Variants in WDPCP observed in about 807,000 individuals in gnomAD.
WDPCP encodes WD repeat-containing and planar cell polarity effector protein fritz homolog.
Under a neutral mutation model 93.1 loss-of-function variants are expected in WDPCP, and 71 were observed. That is an observed-to-expected ratio of 0.76 (90% CI 0.63 to 0.93). The LOEUF (loss-of-function observed/expected upper bound fraction) is 0.93, where lower values mean the gene tolerates loss of function less well. Among genes scored for constraint, WDPCP ranks in the 40% least tolerant of loss-of-function variants. WDPCP has a pLI of 0.00. For synonymous variants in WDPCP, 315 were observed against 315.0 expected, an observed-to-expected ratio of 1.00 and a Z score of 0.00; for missense variants, 844 against 887.4, an observed-to-expected ratio of 0.95 and a Z score of 0.62.
intron 12 of WDPCP, 170 bp downstream of exon 12, chr2:63,378,216 A>G (rs904628850): frequency 3.6e-5 from 33 of 909,244 alleles, no homozygotes; most frequent in Non-Finnish European, 4.9e-5. Flanking sequence ...ATATTTCCTT[A>G]AAATGAAAAC....
At chr2:63,816,057 C>T (rs1273782503) in intron 1 of WDPCP, among the ~76,000 whole-genome samples, 1 of 151,962 alleles carries the variant, frequency 6.6e-6, no homozygotes, top group Non-Finnish European at 1.5e-5. Context: ...TTCAGTTGTA[C>T]AAAATATCTA....
chr2:63,297,802 A>G lies in WDPCP; in HGVS notation c.1812+15446T>C, dbSNP rs538297309. 3.3e-4 allele frequency among the ~76,000 whole-genome samples: 51 copies of G among 152,280 alleles called. 1 individual carries two copies. The highest frequency in any genetic ancestry group is 1.1e-3 in the African/African-American group (44 of 41,554). On this transcript the variant is annotated intron_variant, in intron 13 of 17. Transcript: ENST00000272321. ...GAGTAATCAGGGATATATACACAAC[A>G]TTCAGTTTTAACTAATGCACAGGTT...
chr2:63,751,397 A>C (rs1221136628), intron 2 of WDPCP, among the ~76,000 whole-genome samples: 1 of 152,108 alleles, frequency 6.6e-6, no homozygotes, highest in Non-Finnish European at 1.5e-5. Context: ...TACATTTAGC[A>C]ATCAACAGCA....
intron 14 of WDPCP, among the ~76,000 whole-genome samples, chr2:63,251,895 C>T (rs1293941188): frequency 6.6e-6 from 1 of 151,624 alleles, no homozygotes; most frequent in African/African-American, 2.4e-5. Context: ...GAAACTATTC[C>T]AAAAATCAGG....
intron 1 of WDPCP, among the ~76,000 whole-genome samples, chr2:63,509,282 C>A (rs1454307860): frequency 6.6e-6 from 1 of 152,170 alleles, no homozygotes; most frequent in East Asian, 1.9e-4. Flanking sequence ...AAGAAACTCA[C>A]TCAAAACCGC....
At chr2:63,535,032 T>C (rs1036083003) in intron 1 of WDPCP, among the ~76,000 whole-genome samples, 6 of 152,180 alleles carry the variant, frequency 3.9e-5, no homozygotes, top group Non-Finnish European at 7.4e-5. Context: ...ACAAAATCAA[T>C]GTGCAAAAAT....
At chr2:63,789,933 T>C (rs1346279530) in intron 2 of WDPCP, among the ~76,000 whole-genome samples, 1 of 152,250 alleles carries the variant, frequency 6.6e-6, no homozygotes, top group East Asian at 1.9e-4. Flanking sequence ...TAAAATACTT[T>C]ACTTGAATTA....
chr2:63,594,073 A>C (rs773870345), intron 3 of WDPCP, among the ~76,000 whole-genome samples: 2 of 152,192 alleles, frequency 1.3e-5, no homozygotes, highest in African/African-American at 2.4e-5. Context: ...GTAAATGGAA[A>C]GTTTTAGCCT....
chr2:63,455,433 T>C (rs531280909), intron 6 of WDPCP, among the ~76,000 whole-genome samples: 2,920 of 149,082 alleles, frequency 0.02, 113 homozygotes, highest in African/African-American at 0.068. Context: ...TATATATATA[T>C]ATATATACAC....
At chr2:63,238,573 A>G (rs1021248928) in intron 14 of WDPCP, among the ~76,000 whole-genome samples, 1 of 152,192 alleles carries the variant, frequency 6.6e-6, no homozygotes, top group African/African-American at 2.4e-5. Context: ...CCTAAGATGT[A>G]TCAGATAATT....
At chr2:63,301,026 TG>T (rs1685292163) in intron 13 of WDPCP, among the ~76,000 whole-genome samples, 1 of 152,156 alleles carries the variant, frequency 6.6e-6, no homozygotes, top group African/African-American at 2.4e-5. Context: ...GAAGAGCACA[TG>T]GCATGTCAAG....
intron 11 of WDPCP, among the ~76,000 whole-genome samples, chr2:63,378,950 A>G (rs1323092214): frequency 6.6e-6 from 1 of 152,156 alleles, no homozygotes; most frequent in African/African-American, 2.4e-5. Flanking sequence ...TAATACAAAT[A>G]AACAGGCATA....
At chr2:63,730,196 T>C (rs1202190838) in intron 2 of WDPCP, among the ~76,000 whole-genome samples, 1 of 152,072 alleles carries the variant, frequency 6.6e-6, no homozygotes. Flanking sequence ...TAGGTACTAT[T>C]GTTATTCTCA....
At chr2:63,635,042 A>G (rs1709906865) in intron 3 of WDPCP, among the ~76,000 whole-genome samples, 1 of 152,122 alleles carries the variant, frequency 6.6e-6, no homozygotes, top group Admixed American at 6.5e-5. Context: ...AACAGGGGAC[A>G]TTACAACTGC....
intron 17 of WDPCP, among the ~76,000 whole-genome samples, chr2:63,127,926 G>T (rs2153397756): frequency 6.6e-6 from 1 of 152,028 alleles, no homozygotes; most frequent in East Asian, 1.9e-4. Context: ...ATCACTTCAG[G>T]TCAGAAGTTC....
intron 1 of WDPCP, among the ~76,000 whole-genome samples, chr2:63,549,935 G>A (rs1267589535): frequency 1.3e-5 from 2 of 152,024 alleles, no homozygotes; most frequent in South Asian, 2.1e-4. Flanking sequence ...CAGTAATAAT[G>A]TGCTCACTCC....
intron 12 of WDPCP, among the ~76,000 whole-genome samples, chr2:63,342,985 G>T (rs1275869490): frequency 6.6e-6 from 1 of 151,564 alleles, no homozygotes; most frequent in African/African-American, 2.4e-5. Context: ...AGATAATTTT[G>T]CTGGATATAA....
chr2:63,519,637 G>A (rs1470305324), intron 1 of WDPCP, among the ~76,000 whole-genome samples: 1 of 152,002 alleles, frequency 6.6e-6, no homozygotes, highest in Admixed American at 6.6e-5. Flanking sequence ...CAGGAGCTGA[G>A]CCTTGGGCCC....
chr2:63,596,779 T>C (rs1488259448), intron 3 of WDPCP, among the ~76,000 whole-genome samples: 1 of 152,176 alleles, frequency 6.6e-6, no homozygotes, highest in African/African-American at 2.4e-5. Flanking sequence ...AAAAAGCAAG[T>C]GATGTTTGCT....
Sources: allele counts gnomAD v4.1 joint callset (sites outside exome capture counted in the v4.1 genomes callset), GRCh38; gene constraint gnomAD v4.1.1; transcripts MANE v1.5; gene names NCBI Gene and HGNC (gene_info 2026-07-23, HGNC 2026-07-21).